The following MRAS variants were observed in gnomAD, a reference collection of about 807,000 sequenced individuals.
MRAS encodes the protein muscle RAS oncogene homolog.
A neutral mutation model predicts 20.9 loss-of-function variants in MRAS; 4 were observed. The ratio of observed to expected loss-of-function variants is 0.19; its 90% confidence interval spans 0.09 to 0.44. The LOEUF (loss-of-function observed/expected upper bound fraction) is 0.44, where lower values mean the gene tolerates loss of function less well. Among genes scored for constraint, MRAS ranks in the 20% least tolerant of loss-of-function variants. The pLI is 0.99. For missense variants in MRAS, 154 were observed against 277.5 expected, an observed-to-expected ratio of 0.56 and a Z score of 3.16; for synonymous variants, 98 against 102.9, an observed-to-expected ratio of 0.95 and a Z score of 0.29.
At chr3:138,399,943 G>A (rs1211876209) in intron 4 of MRAS, among the ~76,000 whole-genome samples, 2 of 152,206 alleles carry the variant, frequency 1.3e-5, no homozygotes, top group African/African-American at 2.4e-5. Flanking sequence ...GCACCCTTTC[G>A]ACCGGGTGAT....
chr3:138,378,876 T>C (rs931223607), intron 2 of MRAS, among the ~76,000 whole-genome samples: 4 of 151,414 alleles, frequency 2.6e-5, no homozygotes, highest in African/African-American at 9.7e-5. Flanking sequence ...TGACTCCCCA[T>C]TCTCCCCTCT....
chr3:138,370,390 T>C (rs2054650162), intron 1 of MRAS, among the ~76,000 whole-genome samples: 1 of 152,300 alleles, frequency 6.6e-6, no homozygotes, highest in African/African-American at 2.4e-5. Context: ...AGAGCAGCAG[T>C]TGCAGAGGGG....
chr3:138,372,538 C>G (rs572626541), intron 1 of MRAS, among the ~76,000 whole-genome samples: 1 of 152,194 alleles, frequency 6.6e-6, no homozygotes, highest in African/African-American at 2.4e-5. Context: ...TCGTGTTAAC[C>G]TGTACAAGTA....
At chr3:138,381,290 G>A (rs1046635982) in intron 2 of MRAS, among the ~76,000 whole-genome samples, 11 of 152,198 alleles carry the variant, frequency 7.2e-5, no homozygotes, top group Non-Finnish European at 1.5e-4. Flanking sequence ...AGGGATGGAA[G>A]GCTGCTAAGC....
chr3:138,370,773 G>C (rs886849363), intron 1 of MRAS, among the ~76,000 whole-genome samples: 1 of 152,130 alleles, frequency 6.6e-6, no homozygotes, highest in Non-Finnish European at 1.5e-5. Context: ...TATAATGCAT[G>C]CTTGTTGTAG....
intron 2 of MRAS, among the ~76,000 whole-genome samples, chr3:138,376,112 A>C (rs1383275639): frequency 6.6e-6 from 1 of 152,232 alleles, no homozygotes; most frequent in Admixed American, 6.5e-5. Context: ...ACCGTCCTCC[A>C]AGGGTTTGTC....
intron 1 of MRAS, among the ~76,000 whole-genome samples, chr3:138,351,157 T>G (rs902600180): frequency 3.9e-5 from 6 of 152,134 alleles, no homozygotes; most frequent in Non-Finnish European, 7.3e-5. Context: ...ATAATATATT[T>G]CACATCAGAT....
intron 1 of MRAS, among the ~76,000 whole-genome samples, chr3:138,362,902 A>G (rs2054478690): frequency 6.6e-6 from 1 of 152,016 alleles, no homozygotes; most frequent in African/African-American, 2.4e-5. Flanking sequence ...CCATGCACAC[A>G]TACACACTCC....
intron 2 of MRAS, among the ~76,000 whole-genome samples, chr3:138,381,037 T>C (rs567250133): frequency 6.6e-6 from 1 of 152,158 alleles, no homozygotes; most frequent in African/African-American, 2.4e-5. Flanking sequence ...CCTCCCAAAG[T>C]GTTGGGTTTA....
rs2055433126 is a variant in MRAS, at chr3:138,405,151, C to A, written c.*2882C>A. On this transcript the variant is annotated 3_prime_UTR_variant, in exon 6 of 6. Coordinates refer to ENST00000423968, the MANE Select transcript of MRAS (RefSeq NM_001085049.3). ...TGGTTTCTCTTAGGACTTTGCCCACCTCCTTCTCATGGCACTTGCTGTGGA... is the reference window on the plus strand; with the variant it reads ...TGGTTTCTCTTAGGACTTTGCCCACATCCTTCTCATGGCACTTGCTGTGGA... The A allele has an allele frequency of 6.6e-6, 1 of 152,644 alleles. No individual in the cohort carries two copies. The highest frequency in any genetic ancestry group is 6.5e-5 in the Admixed American group (1 of 15,284). 9.5% of individuals were successfully genotyped at this position (152,644 alleles called of 1,614,324 possible).
chr3:138,402,440 G>C lies in MRAS; in HGVS notation c.*171G>C. On this transcript the variant is annotated 3_prime_UTR_variant, in exon 6 of 6. Transcript: ENST00000423968. ...CAGACAGGGTCTGGCTTTGCCCAGA[G>C]GGCACGGGCTTTCCCACCTCTCAAA... The C allele has an allele frequency of 1.7e-6, 1 of 605,348 alleles. No individual in the cohort carries two copies. The allele number at this position is 605,348 out of a possible 1,614,324, so 37.5% of individuals were successfully genotyped here. A position where few individuals can be genotyped will look rare whatever the true frequency, so the allele number is the denominator to read the frequency against.
chr3:138,401,507 G>GT (rs1449034982), intron 5 of MRAS, among the ~76,000 whole-genome samples: 1 of 152,216 alleles, frequency 6.6e-6, no homozygotes, highest in African/African-American at 2.4e-5. Context: ...TCATCCAGGC[G>GT]TAGTGGCTCA....
At chr3:138,399,719 T>C (rs1157832451) in intron 4 of MRAS, among the ~76,000 whole-genome samples, 3 of 152,234 alleles carry the variant, frequency 2.0e-5, no homozygotes, top group Admixed American at 6.5e-5. Context: ...AAGGGAGGCC[T>C]GTGTGTTCCC....
intron 2 of MRAS, among the ~76,000 whole-genome samples, chr3:138,393,036 G>A (rs2055162763): frequency 6.6e-6 from 1 of 152,140 alleles, no homozygotes; most frequent in South Asian, 2.1e-4. Flanking sequence ...ATATGTATGT[G>A]TGTGTATACT....
intron 5 of MRAS, among the ~76,000 whole-genome samples, chr3:138,400,815 G>A (rs1365253163): frequency 3.9e-5 from 6 of 152,106 alleles, no homozygotes; most frequent in Non-Finnish European, 8.8e-5. Context: ...AGCTGCTAAC[G>A]GGTTTGTGGG....
rs143474364 is a variant in MRAS at position 138,361,807 on chromosome 3, G to A, written c.-18-11059G>A. Among the ~76,000 whole-genome samples, 416 of 152,306 alleles carry A rather than the reference G, an allele frequency of 2.7e-3. 2 individuals carry two copies. The highest frequency in any genetic ancestry group is 8.3e-3 in the African/African-American group (345 of 41,568). ...ACCAGCATGACGTTCCCAATTGCAC[G>A]CAGATTCCTATGGAAGGCTGCAGGA... On this transcript the variant is annotated intron_variant, in intron 1 of 5. Coordinates refer to ENST00000423968, the MANE Select transcript of MRAS (RefSeq NM_001085049.3).
intron 2 of MRAS, among the ~76,000 whole-genome samples, chr3:138,377,766 GAA>G (rs1264513647): frequency 6.6e-6 from 1 of 152,198 alleles, no homozygotes; most frequent in Non-Finnish European, 1.5e-5. Context: ...TCCAAACTCA[GAA>G]AGAATAAAAA....
At chr3:138,379,726 A>G (rs2054860744) in intron 2 of MRAS, among the ~76,000 whole-genome samples, 1 of 152,198 alleles carries the variant, frequency 6.6e-6, no homozygotes, top group African/African-American at 2.4e-5. Flanking sequence ...TCATTCATTC[A>G]TTGAAAGGCA....
intron 2 of MRAS, among the ~76,000 whole-genome samples, chr3:138,381,862 CT>C (rs2054912157): frequency 6.6e-6 from 1 of 152,178 alleles, no homozygotes; most frequent in Admixed American, 6.5e-5. Context: ...CACATTCTTT[CT>C]GGGGACGAGG....
Sources: allele counts gnomAD v4.1 joint callset (sites outside exome capture counted in the v4.1 genomes callset), GRCh38; gene constraint gnomAD v4.1.1; transcripts MANE v1.5; gene names NCBI Gene and HGNC (gene_info 2026-07-23, HGNC 2026-07-21).